Variants in ITGA9 observed in about 807,000 individuals in gnomAD.
ITGA9 encodes the protein integrin subunit alpha 9, also known as integrin alpha-9.
Under a neutral mutation model 127.8 loss-of-function variants are expected in ITGA9, and 56 were observed. The observed-to-expected ratio is 0.44, with a 90% confidence interval of 0.35 to 0.55. The LOEUF is 0.55. ITGA9 is among the 20% of genes least tolerant of loss of function. ITGA9 has a pLI of 0.00. For missense variants in ITGA9, 1,196 were observed against 1,347.1 expected (o/e 0.89, Z 1.76); for synonymous variants, 508 against 514.5 (o/e 0.99, Z 0.17).
intron 23 of ITGA9, among the ~76,000 whole-genome samples, chr3:37,771,216 G>T (rs566119306): frequency 1.1e-4 from 17 of 152,292 alleles, no homozygotes; most frequent in African/African-American, 3.8e-4. Flanking sequence ...CCAAGGAAAT[G>T]ACATTGTTGG....
chr3:37,623,305 G>A (rs546393025), intron 15 of ITGA9, among the ~76,000 whole-genome samples: 11 of 152,210 alleles, frequency 7.2e-5, no homozygotes, highest in South Asian at 4.1e-4. Context: ...TGGGATTTTC[G>A]CCCCTCAAGT....
chr3:37,796,255 C>T (rs1697172203), intron 26 of ITGA9, among the ~76,000 whole-genome samples: 2 of 152,132 alleles, frequency 1.3e-5, no homozygotes, highest in Non-Finnish European at 2.9e-5. Flanking sequence ...ACTCTGTTCA[C>T]TCCCATGCCT....
intron 3 of ITGA9, among the ~76,000 whole-genome samples, chr3:37,480,257 G>A (rs1048317857): frequency 2.6e-5 from 4 of 152,056 alleles, no homozygotes; most frequent in Admixed American, 1.3e-4. Flanking sequence ...GACGATCCAG[G>A]CCTGCATCCT....
intron 15 of ITGA9, among the ~76,000 whole-genome samples, chr3:37,577,001 T>A (rs1262707862): frequency 6.6e-6 from 1 of 152,232 alleles, no homozygotes; most frequent in Non-Finnish European, 1.5e-5. Context: ...TAGGACACCA[T>A]GTGGTCCAGT....
At position 37,629,187 on chromosome 3, in the gene ITGA9, C is replaced by T. The variant is rs140032481; in HGVS notation, c.1690C>T (p.Arg564Trp). ...TCRHYVAHVK[R>W]RVQDVISPIV... ...TGCACGTATTTGTTTATTGTTTCAG[C>T]GGAGGGTGCAGGACGTCATCAGCCC... Residue 564 changes from arginine (R) to tryptophan (W), a missense_variant and splice_region_variant, in exon 16 of 28, where the codon CGG becomes TGG. By Grantham distance (101) the Arg-to-Trp change is moderately radical (BLOSUM62 -3). Transcript: ENST00000264741. This position sits in a 1 kb window ranked among gnomAD's most constrained non-coding sequence, Gnocchi z 4.5. 29 of 1,612,342 alleles carry T rather than the reference C, an allele frequency of 1.8e-5. No homozygotes were observed. The highest frequency in any genetic ancestry group is 2.2e-5 in the East Asian group (1 of 44,896).
At chr3:37,796,509 G>A (rs548597380) in intron 26 of ITGA9, among the ~76,000 whole-genome samples, 1 of 152,160 alleles carries the variant, frequency 6.6e-6, no homozygotes, top group East Asian at 1.9e-4. Context: ...ATGAATGGAT[G>A]GATGGAACGA....
At chr3:37,470,140 G>GTTT (rs71288094) in intron 1 of ITGA9, among the ~76,000 whole-genome samples, 35,194 of 132,952 alleles carry the variant, frequency 0.26, 5,211 homozygotes, top group Non-Finnish European at 0.31. Flanking sequence ...GTTTCTTCTT[G>GTTT]TTTTTTTTTT....
chr3:37,571,184 A>G (rs1049289799), intron 15 of ITGA9, among the ~76,000 whole-genome samples: 2 of 152,042 alleles, frequency 1.3e-5, no homozygotes, highest in African/African-American at 2.4e-5. Context: ...CTAGGGTCCA[A>G]CTCAGGGCAG....
Position 37,629,258 on chromosome 3 carries a change from AGAG to A in ITGA9, c.1768_1770del (p.Glu590del), listed in dbSNP as rs1213518033. 5 of 1,613,834 alleles carry A rather than the reference AGAG, an allele frequency of 3.1e-6. No homozygotes were observed. In the Admixed American group the frequency reaches 8.3e-5, roughly 27 times the overall value. ...ACAGCCTCAGTGAGCATGTGACTGG[AGAG>A]GAGGAGAGGGAACTGCCGCCTCTGA... On this transcript the variant is annotated inframe_deletion, in exon 16 of 28. Coordinates refer to ENST00000264741, the MANE Select transcript of ITGA9 (RefSeq NM_002207.3). The surrounding 1 kb of genome is among the most constrained non-coding windows in gnomAD (Gnocchi z 4.5).
chr3:37,548,954 T>C (rs998315398), intron 15 of ITGA9, among the ~76,000 whole-genome samples: 17 of 152,258 alleles, frequency 1.1e-4, no homozygotes, highest in African/African-American at 4.1e-4. Context: ...TTGGGATGCA[T>C]AGAACTGATG....
chr3:37,485,903 A>G (rs955260587), intron 4 of ITGA9, among the ~76,000 whole-genome samples: 2 of 152,220 alleles, frequency 1.3e-5, no homozygotes, highest in Non-Finnish European at 2.9e-5. Context: ...GAACATCATT[A>G]CCTACCATAT....
intron 15 of ITGA9, among the ~76,000 whole-genome samples, chr3:37,564,996 G>GT (rs2125601761): frequency 6.6e-6 from 1 of 152,370 alleles, no homozygotes; most frequent in South Asian, 2.1e-4. Flanking sequence ...CCTGTATAGT[G>GT]TAAGTGCTGA....
intron 18 of ITGA9, among the ~76,000 whole-genome samples, chr3:37,722,915 C>T (rs1701206098): frequency 6.6e-6 from 1 of 152,236 alleles, no homozygotes; most frequent in South Asian, 2.1e-4. Flanking sequence ...AGCCACTATA[C>T]TATTTTACAT....
At chr3:37,638,231 C>T (rs75865836) in intron 16 of ITGA9, among the ~76,000 whole-genome samples, 9 of 152,128 alleles carry the variant, frequency 5.9e-5, no homozygotes, top group Non-Finnish European at 1.2e-4. Context: ...GAAACATAAA[C>T]GGACGTGGGT....
At chr3:37,621,359 A>G (rs1026678073) in intron 15 of ITGA9, among the ~76,000 whole-genome samples, 1 of 152,206 alleles carries the variant, frequency 6.6e-6, no homozygotes, top group African/African-American at 2.4e-5. Flanking sequence ...TCCTCCAGAG[A>G]ATTAACAAAA....
In ITGA9 at chr3:37,456,895, G is replaced by C. The variant is rs530073557; in HGVS notation, c.185+4336G>C. ...AACTAAAAATAAAATTTAAAATGCA[G>C]CTTCTCAGTTGCACTTGCCACATTT... On this transcript the variant is annotated intron_variant, in intron 1 of 27. Coordinates refer to ENST00000264741, the MANE Select transcript of ITGA9 (RefSeq NM_002207.3). Among the ~76,000 whole-genome samples, 4 of 152,344 alleles carry C rather than the reference G, an allele frequency of 2.6e-5. No homozygotes were observed. The East Asian group carries it at 7.7e-4, about 29-fold the overall frequency.
In ITGA9 at chr3:37,743,944, C is replaced by A. The variant is rs1383288301; in HGVS notation, c.2343C>A (p.Ser781=). The A allele has an allele frequency of 1.9e-6, 3 of 1,613,640 alleles. No individual in the cohort carries two copies. Among genetic ancestry groups the A allele is most frequent in the Non-Finnish European group, 2.5e-6 (3 of 1,179,510 alleles). The change falls in exon 22 of 28, where the codon TCC becomes TCA. Residue 781 remains serine (S), a synonymous_variant. Transcript: ENST00000264741. ...CTTTCAGAATCATGTCTCCAACCTC[C>A]TTTGTATATGGCGAGTCCGTGGACG... ...TSITGIMSPT[S]FVYGESVDAA...
intron 23 of ITGA9, among the ~76,000 whole-genome samples, chr3:37,761,472 C>T (rs894314699): frequency 9.2e-5 from 14 of 152,168 alleles, no homozygotes; most frequent in African/African-American, 2.9e-4. Flanking sequence ...TTTAATAATG[C>T]TCCCTTAGGA....
At chr3:37,763,404 C>G (rs982365916) in intron 23 of ITGA9, among the ~76,000 whole-genome samples, 1 of 152,146 alleles carries the variant, frequency 6.6e-6, no homozygotes, top group African/African-American at 2.4e-5. Context: ...ATTCTCTCCC[C>G]CTTGATTTCA....
Sources: gnomAD v4.1 joint callset for allele counts (sites outside exome capture counted in the v4.1 genomes callset) on GRCh38, gnomAD v4.1.1 for gene constraint, Gnocchi (gnomAD v3.1) non-coding constraint, MANE v1.5 for transcripts, NCBI Gene and HGNC (gene_info 2026-07-23, HGNC 2026-07-21) for gene names.